CDK14: variants seen among roughly 807,000 people sequenced by gnomAD.
The protein encoded by CDK14 is cyclin dependent kinase 14, also known as cyclin-dependent kinase 14.
In CDK14, 34 loss-of-function variants were observed where a neutral mutation model predicts 60.7. The ratio of observed to expected loss-of-function variants is 0.56; its 90% CI spans 0.43 to 0.75. The LOEUF (loss-of-function observed/expected upper bound fraction) is 0.75. CDK14 is among the 30% of genes least tolerant of loss of function. The probability of loss-of-function intolerance (pLI) is 0.00; values close to 1 mark genes in which losing one functional copy is unlikely to be tolerated. For missense variants in CDK14, 482 were observed against 564.1 expected, an observed-to-expected ratio of 0.85 and a Z score of 1.47; for synonymous variants, 197 against 203.7, an observed-to-expected ratio of 0.97 and a Z score of 0.28.
At chr7:90,757,278 CCTTT>C (rs555179458) in intron 4 of CDK14, among the ~76,000 whole-genome samples, 6 of 126,682 alleles carry the variant, frequency 4.7e-5, no homozygotes, top group Non-Finnish European at 1.0e-4. Flanking sequence ...CCAAGTTTTC[CCTTT>C]CTGTCAGGAC....
At chr7:90,854,812 G>T (rs938401418) in intron 5 of CDK14, among the ~76,000 whole-genome samples, 2 of 152,084 alleles carry the variant, frequency 1.3e-5, no homozygotes, top group African/African-American at 4.8e-5. Context: ...TAAAAAACCT[G>T]TTATCAGGTC....
chr7:91,190,929 G>A (rs1336511537), intron 14 of CDK14, among the ~76,000 whole-genome samples: 1 of 152,192 alleles, frequency 6.6e-6, no homozygotes, highest in Non-Finnish European at 1.5e-5. Context: ...AAGAGAAAGT[G>A]AGGGAGGGAT....
chr7:90,915,798 G>C (rs1793062181), intron 7 of CDK14, among the ~76,000 whole-genome samples: 1 of 152,098 alleles, frequency 6.6e-6, no homozygotes, highest in Non-Finnish European at 1.5e-5. Flanking sequence ...CTAATATGGA[G>C]GTTAATAGTA....
chr7:90,612,183 C>T (rs943174678), intron 2 of CDK14, among the ~76,000 whole-genome samples: 1 of 152,108 alleles, frequency 6.6e-6, no homozygotes, highest in African/African-American at 2.4e-5. Context: ...GCAGCTGCTG[C>T]CATCTCAGTT....
intron 3 of CDK14, among the ~76,000 whole-genome samples, chr7:90,735,462 C>CT (rs747564357): frequency 6.6e-6 from 1 of 152,228 alleles, no homozygotes; most frequent in Non-Finnish European, 1.5e-5. Flanking sequence ...GGTTTTATCT[C>CT]TAAGTCCCTG....
intron 14 of CDK14, among the ~76,000 whole-genome samples, chr7:91,149,410 C>G (rs1800763320): frequency 6.6e-6 from 1 of 152,144 alleles, no homozygotes; most frequent in Non-Finnish European, 1.5e-5. Flanking sequence ...TGCAGGCACA[C>G]ATGGAATTCC....
intron 4 of CDK14, among the ~76,000 whole-genome samples, chr7:90,780,204 C>G (rs34805208): frequency 0.18 from 27,793 of 151,918 alleles, 2,629 homozygotes; most frequent in South Asian, 0.24. Flanking sequence ...ACATGCAGTG[C>G]ATCTATAGAG....
intron 5 of CDK14, among the ~76,000 whole-genome samples, chr7:90,801,327 A>T (rs990675071): frequency 2.0e-5 from 3 of 152,238 alleles, no homozygotes; most frequent in Admixed American, 2.0e-4. Context: ...CTCCAATGTG[A>T]TTTATTTTTG....
At chr7:90,932,679 G>A (rs1793630183) in intron 8 of CDK14, among the ~76,000 whole-genome samples, 2 of 152,196 alleles carry the variant, frequency 1.3e-5, no homozygotes, top group South Asian at 4.1e-4. Context: ...GCTTAAAATA[G>A]CACTGGTTTA....
intron 2 of CDK14, among the ~76,000 whole-genome samples, chr7:90,677,741 T>G (rs1801230897): frequency 6.6e-6 from 1 of 152,190 alleles, no homozygotes; most frequent in Admixed American, 6.5e-5. Flanking sequence ...AAGTTGATGT[T>G]TTGGTGTCTA....
At position 90,614,888 on chromosome 7, in the gene CDK14, C is replaced by T. The variant is rs73707281; in HGVS notation, c.123+10639C>T. 6.0e-3 allele frequency among the ~76,000 whole-genome samples: 918 copies of T among 152,098 alleles called. 7 individuals are homozygous for T. Among genetic ancestry groups the T allele is most frequent in the African/African-American group, 0.019 (795 of 41,518 alleles). On this transcript the variant is annotated intron_variant, in intron 2 of 14. Coordinates refer to ENST00000380050, the MANE Select transcript of CDK14 (RefSeq NM_001287135.2). ...AGTTTATTGTGACCTGGGTGTTCCA[C>T]GAGCATCCTAAACTTAGGCTGGGGA...
chr7:90,910,983 C>T (rs1315154602), intron 7 of CDK14, among the ~76,000 whole-genome samples: 1 of 152,018 alleles, frequency 6.6e-6, no homozygotes, highest in Non-Finnish European at 1.5e-5. Context: ...CCTCTCTGTG[C>T]CCATGTGTTC....
At chr7:90,940,487 G>A (rs1793888015) in intron 8 of CDK14, among the ~76,000 whole-genome samples, 1 of 151,998 alleles carries the variant, frequency 6.6e-6, no homozygotes, top group Non-Finnish European at 1.5e-5. Flanking sequence ...GTCTTTGTAT[G>A]TATAAATATA....
At chr7:90,889,515 G>A (rs1194116613) in intron 6 of CDK14, among the ~76,000 whole-genome samples, 2 of 152,148 alleles carry the variant, frequency 1.3e-5, no homozygotes, top group African/African-American at 2.4e-5. Context: ...TGTAAGACAC[G>A]TACAGGTTTA....
At chr7:91,044,889 G>A (rs1797190414) in intron 10 of CDK14, among the ~76,000 whole-genome samples, 1 of 152,162 alleles carries the variant, frequency 6.6e-6, no homozygotes, top group East Asian at 1.9e-4. Context: ...AACAGACCCA[G>A]TTTTCTGCGG....
chr7:90,634,231 C>A (rs1423795633), intron 2 of CDK14, among the ~76,000 whole-genome samples: 2 of 150,390 alleles, frequency 1.3e-5, no homozygotes, highest in African/African-American at 4.9e-5. Flanking sequence ...GGGTGCTGCA[C>A]CCATTAACTC....
chr7:90,624,360 A>G (rs1799833406), intron 2 of CDK14, among the ~76,000 whole-genome samples: 1 of 152,258 alleles, frequency 6.6e-6, no homozygotes, highest in South Asian at 2.1e-4. Flanking sequence ...TCATAACATT[A>G]ATGACAAATA....
rs375635324 is a variant in CDK14 at position 91,112,596 on chromosome 7, C to G, written c.1209C>G (p.Ser403=). The G allele has an allele frequency of 1.5e-5, 25 of 1,613,584 alleles. No homozygotes were observed. The highest frequency in any genetic ancestry group is 1.9e-5 in the Non-Finnish European group (22 of 1,179,822). ...EDLASKLLQC[S]PKNRLSAQAA... Reference sequence around the variant, plus strand: ...TGGCCTCCAAGCTCCTACAATGTTCCCCAAAGAACAGACTGTCGGCACAGG... The same window carrying G: ...TGGCCTCCAAGCTCCTACAATGTTCGCCAAAGAACAGACTGTCGGCACAGG... Residue 403 remains serine, a synonymous_variant, in exon 13 of 15, where the codon TCC becomes TCG. Transcript: ENST00000380050.
At chr7:90,905,628 T>C (rs1481120735) in intron 7 of CDK14, among the ~76,000 whole-genome samples, 1 of 152,118 alleles carries the variant, frequency 6.6e-6, no homozygotes, top group Non-Finnish European at 1.5e-5. Context: ...CAACATTTCA[T>C]AGAAAGTAAG....
Sources: gnomAD v4.1 joint callset for allele counts (sites outside exome capture counted in the v4.1 genomes callset) on GRCh38, gnomAD v4.1.1 for gene constraint, MANE v1.5 for transcripts, NCBI Gene and HGNC (gene_info 2026-07-23, HGNC 2026-07-21) for gene names.